NBEA: variants seen among roughly 807,000 people sequenced by gnomAD.
NBEA encodes the protein lysosomal-trafficking regulator 2.
In NBEA, 44 loss-of-function variants were observed where a neutral mutation model predicts 343.4. The ratio of observed to expected loss-of-function variants is 0.13; its 90% CI spans 0.10 to 0.16. NBEA has a LOEUF of 0.16. Ranked by LOEUF, NBEA falls within the 10% of genes least tolerant of loss-of-function variation. NBEA has a pLI of 1.00. For missense variants in NBEA, 2,555 were observed against 3,631.3 expected (o/e 0.70, Z 7.62); for synonymous variants, 1,175 against 1,238.7 (o/e 0.95, Z 1.08).
At chr13:34,987,314 T>C (rs1341166488) in intron 1 of NBEA, among the ~76,000 whole-genome samples, 1 of 151,026 alleles carries the variant, frequency 6.6e-6, no homozygotes, top group East Asian at 1.9e-4. Context: ...GAATATTGAA[T>C]ATTGGTCTCC....
chr13:35,342,498 AT>A (rs1366725740), intron 36 of NBEA, among the ~76,000 whole-genome samples: 2 of 152,196 alleles, frequency 1.3e-5, no homozygotes, highest in Admixed American at 6.6e-5. Context: ...GCATAAGAAA[AT>A]CTCATAATGA....
chr13:35,655,781 A>G, intron 55 of NBEA, 32 bp downstream of exon 55: 1 of 1,567,304 alleles, frequency 6.4e-7, no homozygotes, highest in Non-Finnish European at 8.7e-7. Context: ...GTCCTATCAA[A>G]CTATAGTTTA....
At chr13:35,221,690 A>C (rs1042885386) in intron 33 of NBEA, among the ~76,000 whole-genome samples, 15 of 152,194 alleles carry the variant, frequency 9.9e-5, no homozygotes, top group African/African-American at 3.1e-4. Context: ...TTAGAGGGCC[A>C]GTCTTTTTTC....
At chr13:35,044,843 G>C (rs2062790723) in intron 2 of NBEA, 104 bp from the exon 3 acceptor site, 1 of 625,636 alleles carries the variant, frequency 1.6e-6, no homozygotes, top group Non-Finnish European at 2.7e-6. Context: ...GAGAGAGAGA[G>C]AGAGAGAGAT....
At chr13:35,320,446 G>A (rs967444979) in intron 36 of NBEA, among the ~76,000 whole-genome samples, 11 of 152,166 alleles carry the variant, frequency 7.2e-5, no homozygotes, top group African/African-American at 2.4e-4. Flanking sequence ...TGGCTTGTAG[G>A]GTTTCTGCTG....
At chr13:34,945,662 A>G (rs1015216654) in intron 1 of NBEA, among the ~76,000 whole-genome samples, 1 of 152,174 alleles carries the variant, frequency 6.6e-6, no homozygotes, top group African/African-American at 2.4e-5. Context: ...ACAGAAAAGA[A>G]AGGAGAACTA....
At chr13:35,595,178 C>T (rs981070514) in intron 47 of NBEA, among the ~76,000 whole-genome samples, 22 of 152,062 alleles carry the variant, frequency 1.4e-4, no homozygotes, top group African/African-American at 5.3e-4. Flanking sequence ...CAGAAATTTT[C>T]CTCTTCAAAA....
chr13:35,325,815 C>A (rs982563790), intron 36 of NBEA, among the ~76,000 whole-genome samples: 1 of 151,896 alleles, frequency 6.6e-6, no homozygotes, highest in Non-Finnish European at 1.5e-5. Context: ...TTTAATCTTT[C>A]TTTAGTTAAT....
At chr13:35,119,221 T>A (rs1161281468) in intron 16 of NBEA, among the ~76,000 whole-genome samples, 1 of 152,224 alleles carries the variant, frequency 6.6e-6, no homozygotes, top group Admixed American at 6.5e-5. Flanking sequence ...ATCATTTAGC[T>A]TTTTAAGGAA....
At chr13:35,617,846 T>G (rs1379577940) in intron 48 of NBEA, among the ~76,000 whole-genome samples, 1 of 152,248 alleles carries the variant, frequency 6.6e-6, no homozygotes, top group South Asian at 2.1e-4. Flanking sequence ...GTTATCTACA[T>G]ATGTTCATAC....
intron 34 of NBEA, chr13:35,251,684 A>G: frequency 1.8e-6 from 1 of 561,638 alleles, no homozygotes. Flanking sequence ...TCTGCCTATG[A>G]TATGGCTCCA....
At chr13:35,028,203 T>C (rs997943422) in intron 1 of NBEA, among the ~76,000 whole-genome samples, 1 of 151,922 alleles carries the variant, frequency 6.6e-6, no homozygotes, top group African/African-American at 2.4e-5. Flanking sequence ...TTACATCTAC[T>C]AAAAATATTT....
At chr13:35,472,354 A>AGG in intron 40 of NBEA, 46 bp from the exon 41 acceptor site, 1 of 1,586,092 alleles carries the variant, frequency 6.3e-7, no homozygotes, top group Non-Finnish European at 8.6e-7. Flanking sequence ...GGGAGCAGGA[A>AGG]GGGCCACAGG....
At chr13:35,430,750 T>C (rs899153534) in intron 38 of NBEA, among the ~76,000 whole-genome samples, 1 of 151,718 alleles carries the variant, frequency 6.6e-6, no homozygotes, top group Admixed American at 6.5e-5. Flanking sequence ...TTAATGAAAA[T>C]CAATATAGCA....
At chr13:35,474,620 A>G (rs1447490865) in intron 41 of NBEA, 2 of 156,724 alleles carry the variant, frequency 1.3e-5, no homozygotes, top group Non-Finnish European at 2.8e-5. Flanking sequence ...TGAGATCACA[A>G]TATTTGTTAC....
chr13:35,167,085 A>G (rs1323937576), intron 24 of NBEA, among the ~76,000 whole-genome samples: 1 of 152,008 alleles, frequency 6.6e-6, no homozygotes, highest in African/African-American at 2.4e-5. Flanking sequence ...CATTTTATGA[A>G]GAAATAGGAA....
intron 38 of NBEA, among the ~76,000 whole-genome samples, chr13:35,421,317 T>C (rs981455555): frequency 2.0e-5 from 3 of 152,040 alleles, no homozygotes; most frequent in African/African-American, 4.8e-5. Context: ...TTTATCTATG[T>C]TTCTTAGTAT....
chr13:35,359,514 A>G (rs562210795), intron 38 of NBEA, among the ~76,000 whole-genome samples: 1 of 152,132 alleles, frequency 6.6e-6, no homozygotes, highest in East Asian at 1.9e-4. Context: ...TCTACCAAAA[A>G]AATAGTTTAG....
chr13:35,616,712 A>G (rs943007439), intron 48 of NBEA, among the ~76,000 whole-genome samples: 3 of 152,214 alleles, frequency 2.0e-5, no homozygotes, highest in African/African-American at 7.2e-5. Context: ...CTGAGTAACA[A>G]TTTTTAAAAT....
Sources: allele counts gnomAD v4.1 joint callset (sites outside exome capture counted in the v4.1 genomes callset), GRCh38; gene constraint gnomAD v4.1.1; transcripts MANE v1.5; gene names NCBI Gene and HGNC (gene_info 2026-07-23, HGNC 2026-07-21).